Variants in SHOC1 observed in about 807,000 individuals in gnomAD.
The protein encoded by SHOC1 is shortage in chiasmata 1.
Under a neutral mutation model 179.2 loss-of-function variants are expected in SHOC1, and 136 were observed. The ratio of observed to expected loss-of-function variants is 0.76; its 90% CI spans 0.66 to 0.87. The LOEUF (loss-of-function observed/expected upper bound fraction) is 0.87. Ranked by LOEUF, SHOC1 falls within the 40% of genes least tolerant of loss-of-function variation. The pLI, the probability that SHOC1 is intolerant of heterozygous loss-of-function variation, is 0.00. For missense variants in SHOC1, 1,538 were observed against 1,700.8 expected (o/e 0.90, Z 1.68); for synonymous variants, 489 against 586.6 (o/e 0.83, Z 2.41).
chr9:111,747,782 G>A (rs368656090), intron 9 of SHOC1, among the ~76,000 whole-genome samples: 12 of 151,926 alleles, frequency 7.9e-5, no homozygotes, highest in African/African-American at 2.2e-4. Context: ...ATGGTGTTTC[G>A]TCATATTGAC....
chr9:111,738,225 C>A, intron 12 of SHOC1, 55 bp downstream of exon 12: 2 of 1,482,874 alleles, frequency 1.3e-6, no homozygotes, highest in Admixed American at 2.0e-5. Flanking sequence ...CAGAATCTAA[C>A]ATTTTCACAT....
At position 111,775,782 on chromosome 9, in the gene SHOC1, A is replaced by G. The variant is rs750441235; in HGVS notation, c.442+9T>C. ...AATGTTTTACAACAATATAAAATAA[A>G]CGTTTTACCTTGGTTCTGGTTTTGA... On this transcript the variant is annotated intron_variant, in intron 5 of 27. Transcript: ENST00000682961. 1.3e-6 allele frequency: 2 copies of G among 1,590,098 alleles called. No homozygotes were observed. Among genetic ancestry groups the G allele is most frequent in the South Asian group, 2.3e-5 (2 of 86,040 alleles).
At chr9:111,775,453 C>T (rs989032343) in intron 5 of SHOC1, among the ~76,000 whole-genome samples, 22 of 152,028 alleles carry the variant, frequency 1.4e-4, no homozygotes, top group Non-Finnish European at 3.1e-4. Flanking sequence ...ATATAATCAT[C>T]ACTTCATAAT....
rs1834954511 is a variant in SHOC1, at chr9:111,758,170, A to C, written c.622T>G (p.Leu208Val). 1 of 1,576,350 alleles carries C rather than the reference A, an allele frequency of 6.3e-7. No individual in the cohort carries two copies. The highest frequency in any genetic ancestry group is 8.6e-7 in the Non-Finnish European group (1 of 1,162,066). Residue 208 changes from leucine to valine, a missense_variant, in exon 7 of 28, where the codon TTG (leucine) becomes GTG (valine). Physicochemically the swap from Leu to Val is conservative, Grantham distance 32 (BLOSUM62 1). Coordinates refer to ENST00000682961, the MANE Select transcript of SHOC1 (RefSeq NM_001378211.1). ...AAATCTTCTTTCACAAAAGCTTCCAAAGTTTCTTGAAGAGAGAAACATTCC... is the reference window on the plus strand; with the variant it reads ...AAATCTTCTTTCACAAAAGCTTCCACAGTTTCTTGAAGAGAGAAACATTCC... ...SRECFSLQET[L>V]EAFVKEDFCM...
At chr9:111,705,902 C>A (rs1404041867) in intron 20 of SHOC1, among the ~76,000 whole-genome samples, 1 of 151,972 alleles carries the variant, frequency 6.6e-6, no homozygotes, top group African/African-American at 2.4e-5. Context: ...AATAGTTACA[C>A]AAGATCAATT....
At chr9:111,708,992 G>C (rs576073731) in intron 18 of SHOC1, among the ~76,000 whole-genome samples, 1 of 152,204 alleles carries the variant, frequency 6.6e-6, no homozygotes, top group African/African-American at 2.4e-5. Flanking sequence ...TTCTGGTAGT[G>C]ATAAGAAGTG....
At chr9:111,701,997 G>A (rs887830522) in intron 23 of SHOC1, 108 bp downstream of exon 23, 77 of 780,748 alleles carry the variant, frequency 9.9e-5, no homozygotes, top group Non-Finnish European at 1.5e-4. Flanking sequence ...TTGACTTAAA[G>A]CAAACTAGAT....
At chr9:111,778,403 C>T (rs1042507001) in intron 4 of SHOC1, among the ~76,000 whole-genome samples, 5 of 152,034 alleles carry the variant, frequency 3.3e-5, no homozygotes, top group African/African-American at 1.2e-4. Context: ...AAGTTCTTTC[C>T]TTCATGGAGC....
intron 3 of SHOC1, among the ~76,000 whole-genome samples, chr9:111,781,542 G>A (rs1836042953): frequency 6.6e-6 from 1 of 152,098 alleles, no homozygotes; most frequent in Non-Finnish European, 1.5e-5. Context: ...GGCCAACATG[G>A]CAAAACCCCA....
In SHOC1 at chr9:111,727,685, T is replaced by C. The variant is rs1021173962; in HGVS notation, c.1782A>G (p.Lys594=). ...LLSDFIMLRN[K]YKTCTSKTEV... Reference sequence around the variant, plus strand: ...CAGTCTTTGAGGTGCAAGTCTTATATTTATTTCGCAGCATAATAAAGTCGC... The same window carrying C: ...CAGTCTTTGAGGTGCAAGTCTTATACTTATTTCGCAGCATAATAAAGTCGC... The change falls in exon 13 of 28, where the codon AAA becomes AAG. Residue 594 remains lysine, a synonymous_variant. Transcript: ENST00000682961. The C allele has an allele frequency of 2.5e-6, 4 of 1,606,090 alleles. No individual in the cohort carries two copies. In the African/African-American group the frequency reaches 5.4e-5, roughly 22 times the overall value.
In SHOC1 at chr9:111,727,627, A is replaced by T; in HGVS notation, c.1834+6T>A. The T allele has an allele frequency of 6.4e-7, 1 of 1,553,020 alleles. No homozygotes were observed. Among genetic ancestry groups the T allele is most frequent in the Non-Finnish European group, 8.7e-7 (1 of 1,154,628 alleles). On this transcript the variant is annotated splice_donor_region_variant and intron_variant, in intron 13 of 27. Transcript: ENST00000682961. ...ATCTACGGCAAAATATTATTAAATTACTTACCATGTTTTTCATCACTGTTT... is the reference window on the plus strand; with the variant it reads ...ATCTACGGCAAAATATTATTAAATTTCTTACCATGTTTTTCATCACTGTTT...
chr9:111,759,085 A>G, intron 5 of SHOC1: 1 of 1,465,266 alleles, frequency 6.8e-7, no homozygotes, highest in Non-Finnish European at 9.2e-7. Context: ...CAAATATCCC[A>G]AAAGAGCTGT....
intron 5 of SHOC1, among the ~76,000 whole-genome samples, chr9:111,774,682 TTCTC>T (rs1035892839): frequency 6.6e-6 from 1 of 151,554 alleles, no homozygotes; most frequent in African/African-American, 2.4e-5. Context: ...TAAGAGGAAT[TTCTC>T]TCTCTCTCTC....
rs77709945 is a variant in SHOC1, at chr9:111,688,751, A to G, written c.4427-1881T>C. ...AAATACCATATTTAAAAATGGTATT[A>G]GTAGCTCATATTCAGCTTCCATTCT... On this transcript the variant is annotated intron_variant, in intron 27 of 27. Transcript: ENST00000682961. Among the ~76,000 whole-genome samples the G allele has an allele frequency of 1.6e-3, 239 of 152,302 alleles. 3 individuals are homozygous for G. In the East Asian group the frequency reaches 0.036, roughly 23 times the overall value.
intron 8 of SHOC1, among the ~76,000 whole-genome samples, chr9:111,753,160 C>T (rs1356694806): frequency 6.6e-6 from 1 of 152,206 alleles, no homozygotes; most frequent in East Asian, 1.9e-4. Flanking sequence ...TAAAATATAA[C>T]TCTGTGGTAA....
Position 111,686,740 on chromosome 9 carries a change from T to C in SHOC1, c.*30A>G. ...TGGATTAGCATCAAAAACAGTGGAATATGGCATGTAACATTGCTCTTCTCC... is the reference window on the plus strand; with the variant it reads ...TGGATTAGCATCAAAAACAGTGGAACATGGCATGTAACATTGCTCTTCTCC... On this transcript the variant is annotated 3_prime_UTR_variant, in exon 28 of 28. Transcript: ENST00000682961. 1.5e-6 allele frequency: 2 copies of C among 1,375,006 alleles called. No homozygotes were observed. Among genetic ancestry groups the C allele is most frequent in the Non-Finnish European group, 1.0e-6 (1 of 964,392 alleles). 85.2% of individuals were successfully genotyped at this position (1,375,006 alleles called of 1,614,324 possible).
chr9:111,732,495 A>G (rs1168403367), intron 12 of SHOC1, among the ~76,000 whole-genome samples: 4 of 152,212 alleles, frequency 2.6e-5, no homozygotes, highest in Non-Finnish European at 5.9e-5. Flanking sequence ...TCACAATAAT[A>G]AAAAACTGGG....
At chr9:111,791,348 TAGAC>T in intron 2 of SHOC1, 22 bp downstream of exon 2, 1 of 1,354,810 alleles carries the variant, frequency 7.4e-7, no homozygotes, top group African/African-American at 1.5e-5. Flanking sequence ...TCTCAGTAAA[TAGAC>T]AGTAAGCCAC....
At position 111,691,972 on chromosome 9, in the gene SHOC1, T is replaced by A. The variant is rs747384101; in HGVS notation, c.4005A>T (p.Lys1335Asn). The A allele has an allele frequency of 9.3e-6, 15 of 1,613,278 alleles. No individual in the cohort carries two copies. The South Asian group carries it at 1.6e-4, about 18-fold the overall frequency. Residue 1335 changes from lysine (K) to asparagine (N), a missense_variant, in exon 27 of 28, where the codon AAA (lysine) becomes AAT (asparagine). Coordinates refer to ENST00000682961, the MANE Select transcript of SHOC1 (RefSeq NM_001378211.1). Reference sequence around the variant, plus strand: ...CCGATACATCTTTATTTATGAAACCTTTTGCTTCATGTGTTCTCCTTTTCT... The same window carrying A: ...CCGATACATCTTTATTTATGAAACCATTTGCTTCATGTGTTCTCCTTTTCT... ...NSQKRRTHEA[K>N]GFINKDVSDP...
Sources: gnomAD v4.1 joint callset for allele counts (sites outside exome capture counted in the v4.1 genomes callset) on GRCh38, gnomAD v4.1.1 for gene constraint, MANE v1.5 for transcripts, NCBI Gene and HGNC (gene_info 2026-07-23, HGNC 2026-07-21) for gene names.